The following MYO18B variants were observed in gnomAD, a reference collection of about 807,000 sequenced individuals.
MYO18B encodes the protein myosin XVIIIB.
Under a neutral mutation model 273.0 loss-of-function variants are expected in MYO18B, and 204 were observed. That is an observed-to-expected ratio of 0.75 (90% CI 0.67 to 0.84). The LOEUF (loss-of-function observed/expected upper bound fraction) is 0.84. MYO18B is among the 40% of genes least tolerant of loss of function. The pLI is 0.00. For synonymous variants in MYO18B, 1,330 were observed against 1,305.7 expected (o/e 1.02, Z -0.40); for missense variants, 3,212 against 3,287.6 (o/e 0.98, Z 0.56).
At chr22:25,744,196 T>G (rs1347408972) in intron 1 of MYO18B, among the ~76,000 whole-genome samples, 1 of 152,182 alleles carries the variant, frequency 6.6e-6, no homozygotes, top group Non-Finnish European at 1.5e-5. Flanking sequence ...AAGATTTTAT[T>G]GGGCAGGTGT....
chr22:25,806,606 T>A (rs1325271473), intron 12 of MYO18B, among the ~76,000 whole-genome samples: 1 of 152,224 alleles, frequency 6.6e-6, no homozygotes, highest in African/African-American at 2.4e-5. Flanking sequence ...CGTGGTTGAT[T>A]TGCTGTTCGC....
At chr22:25,973,645 C>G (rs2093058784) in intron 39 of MYO18B, among the ~76,000 whole-genome samples, 1 of 152,222 alleles carries the variant, frequency 6.6e-6, no homozygotes, top group South Asian at 2.1e-4. Flanking sequence ...GTCACACCAG[C>G]CACACATCAG....
chr22:26,060,751 CAT>C, the MYO18B span, among the ~76,000 whole-genome samples: 2 of 151,628 alleles, frequency 1.3e-5, no homozygotes, highest in South Asian at 2.1e-4. Context: ...TACATATACA[CAT>C]ATACATACAA....
chr22:25,994,715 A>G (rs907656502), intron 40 of MYO18B, among the ~76,000 whole-genome samples: 6 of 152,130 alleles, frequency 3.9e-5, no homozygotes, highest in Non-Finnish European at 7.4e-5. Context: ...CTCCTGTTTT[A>G]TTAATTAGTG....
intron 11 of MYO18B, among the ~76,000 whole-genome samples, chr22:25,795,093 T>C (rs2087851875): frequency 6.6e-6 from 1 of 152,240 alleles, no homozygotes; most frequent in Non-Finnish European, 1.5e-5. Flanking sequence ...CAGTGGCTTG[T>C]TCTTTTTCAT....
At chr22:25,796,601 A>T (rs1180486406) in intron 11 of MYO18B, among the ~76,000 whole-genome samples, 1 of 16,246 alleles carries the variant, frequency 6.2e-5, no homozygotes, top group East Asian at 8.6e-3. Flanking sequence ...GTCTAAAAAA[A>T]AAAAAAAAAA....
intron 42 of MYO18B, among the ~76,000 whole-genome samples, chr22:26,011,065 A>T (rs1404573875): frequency 6.6e-6 from 1 of 150,474 alleles, no homozygotes; most frequent in Non-Finnish European, 1.5e-5. Context: ...TAGCTGGGAA[A>T]CCAAAAAGGA....
intron 21 of MYO18B, among the ~76,000 whole-genome samples, chr22:25,860,246 T>C (rs1434583866): frequency 6.6e-6 from 1 of 152,248 alleles, no homozygotes; most frequent in East Asian, 1.9e-4. Flanking sequence ...CCTTGGTCAG[T>C]GTAAATAAAC....
At chr22:25,882,870 A>G (rs895240582) in intron 25 of MYO18B, among the ~76,000 whole-genome samples, 6 of 152,030 alleles carry the variant, frequency 3.9e-5, no homozygotes, top group African/African-American at 1.5e-4. Context: ...TCATGAGGTC[A>G]TTACTCTTTT....
intron 39 of MYO18B, among the ~76,000 whole-genome samples, chr22:25,960,854 A>T (rs1188373649): frequency 1.3e-5 from 2 of 152,174 alleles, no homozygotes; most frequent in Non-Finnish European, 2.9e-5. Context: ...CTCTGCTAAG[A>T]AATCTTTTAT....
intron 13 of MYO18B, among the ~76,000 whole-genome samples, chr22:25,824,351 G>A (rs2089407472): frequency 6.6e-6 from 1 of 152,164 alleles, no homozygotes; most frequent in Non-Finnish European, 1.5e-5. Context: ...AAGCTGAGGT[G>A]ATAGCATGGG....
intron 21 of MYO18B, among the ~76,000 whole-genome samples, chr22:25,854,803 A>G (rs1760742047): frequency 6.6e-6 from 1 of 152,158 alleles, no homozygotes; most frequent in South Asian, 2.1e-4. Context: ...CACTTTGCAT[A>G]ATGTCCTCAA....
intron 21 of MYO18B, among the ~76,000 whole-genome samples, chr22:25,865,648 G>A (rs565242947): frequency 1.3e-5 from 2 of 152,106 alleles, no homozygotes; most frequent in African/African-American, 2.4e-5. Flanking sequence ...TCTGAGGCTC[G>A]GAGTAAAGCA....
chr22:25,955,056 G>A, intron 38 of MYO18B, 123 bp from the exon 39 acceptor site: 1 of 1,045,892 alleles, frequency 9.6e-7, no homozygotes, highest in Non-Finnish European at 1.3e-6. Context: ...GCAGACATCA[G>A]TATTCTTATC....
intron 17 of MYO18B, among the ~76,000 whole-genome samples, chr22:25,838,152 C>T (rs1337026880): frequency 6.6e-6 from 1 of 150,836 alleles, no homozygotes; most frequent in African/African-American, 2.4e-5. Context: ...AAATTATACA[C>T]ACACACAAAT....
intron 17 of MYO18B, among the ~76,000 whole-genome samples, chr22:25,837,378 A>G (rs1217387844): frequency 2.0e-5 from 3 of 152,194 alleles, no homozygotes; most frequent in Non-Finnish European, 4.4e-5. Flanking sequence ...CCAGGAGAAT[A>G]TGACTCCCTG....
intron 39 of MYO18B, among the ~76,000 whole-genome samples, chr22:25,963,057 GTTCTTCCTTA>G (rs1391255905): frequency 1.3e-5 from 2 of 150,970 alleles, no homozygotes; most frequent in South Asian, 4.2e-4. Context: ...TGCTTTCCTT[GTTCTTCCTTA>G]TTCTTCCTTA....
At chr22:26,037,895 CA>C in the MYO18B span, among the ~76,000 whole-genome samples, 1 of 152,340 alleles carries the variant, frequency 6.6e-6, no homozygotes, top group Admixed American at 6.5e-5. Context: ...ACTAATACCC[CA>C]TACCTGTGCA....
In MYO18B at chr22:26,027,139, T is replaced by C. The variant is rs1248177358; in HGVS notation, c.7165T>C (p.Ser2389Pro). ...TLRPRRRCLE[S>P]SVDDAGCPDL... The stretch of plus-strand genomic sequence containing the variant: ...GCGTCCTCGGAGGCGGTGTCTGGAG[T>C]CCTCTGTGGACGATGCGGGCTGTCC... The change falls in exon 43 of 44, where the codon TCC (serine) becomes CCC (proline). Residue 2389 changes from serine to proline, a missense_variant. Transcript: ENST00000335473. The surrounding 1 kb of genome is among the most constrained non-coding windows in gnomAD (Gnocchi z 4.1). 6.2e-7 allele frequency: 1 copy of C among 1,613,434 alleles called. No homozygotes were observed. The highest frequency in any genetic ancestry group is 1.3e-5 in the African/African-American group (1 of 74,762).
Sources: gnomAD v4.1 joint callset for allele counts (sites outside exome capture counted in the v4.1 genomes callset) on GRCh38, gnomAD v4.1.1 for gene constraint, Gnocchi (gnomAD v3.1) non-coding constraint, MANE v1.5 for transcripts, NCBI Gene and HGNC (gene_info 2026-07-23, HGNC 2026-07-21) for gene names.